SOX6: variants seen among roughly 807,000 people sequenced by gnomAD.
The protein encoded by SOX6 is SRY-box transcription factor 6, also known as transcription factor SOX-6.
In SOX6, 11 loss-of-function variants were observed where a neutral mutation model predicts 97.8. The observed-to-expected ratio is 0.11, with a 90% CI of 0.07 to 0.19. The LOEUF (loss-of-function observed/expected upper bound fraction) is 0.19, where lower values mean the gene tolerates loss of function less well. SOX6 is among the 10% of genes least tolerant of loss of function. The pLI is 1.00. For missense variants in SOX6, 810 were observed against 1,039.5 expected (o/e 0.78, Z 3.04); for synonymous variants, 360 against 371.4 (o/e 0.97, Z 0.35).
chr11:16,153,065 C>T (rs1465758197), intron 6 of SOX6, among the ~76,000 whole-genome samples: 1 of 152,140 alleles, frequency 6.6e-6, no homozygotes, highest in Non-Finnish European at 1.5e-5. Flanking sequence ...CAAGGTTTCA[C>T]CATGTTGGCC....
intron 3 of SOX6, among the ~76,000 whole-genome samples, chr11:16,614,185 C>T (rs1363927567): frequency 6.6e-6 from 1 of 152,186 alleles, no homozygotes; most frequent in East Asian, 1.9e-4. Flanking sequence ...GGGGCAGCTT[C>T]GAAGAGGCAT....
intron 3 of SOX6, among the ~76,000 whole-genome samples, chr11:16,654,693 T>C (rs1242013180): frequency 6.6e-6 from 1 of 152,220 alleles, no homozygotes; most frequent in Non-Finnish European, 1.5e-5. Flanking sequence ...AGGCTAATAC[T>C]TGTATCCTTC....
chr11:16,429,890 A>C (rs982068570), intron 1 of SOX6, among the ~76,000 whole-genome samples: 3 of 152,192 alleles, frequency 2.0e-5, no homozygotes, highest in Admixed American at 1.3e-4. Flanking sequence ...TGAGGGTAGA[A>C]GGTAGCTATA....
chr11:16,449,379 G>A lies in SOX6; in HGVS notation c.-5+26936C>T, dbSNP rs577875752. On this transcript the variant is annotated intron_variant, in intron 1 of 15. Transcript: ENST00000396356. Reference sequence around the variant, plus strand: ...GCCATCTCGGCTCACTGCAAGCTCCGCCTCCCGGGTTCGCGCCATTCTCCT... The same window carrying A: ...GCCATCTCGGCTCACTGCAAGCTCCACCTCCCGGGTTCGCGCCATTCTCCT... Among the ~76,000 whole-genome samples, 12 of 129,172 alleles carry A rather than the reference G, an allele frequency of 9.3e-5. No homozygotes were observed. The East Asian group carries it at 2.5e-3, about 27-fold the overall frequency. The allele number at this position is 129,172 out of a possible 152,430, so 84.7% of individuals were successfully genotyped here.
At chr11:16,520,937 G>A (rs1019250976) in intron 4 of SOX6, among the ~76,000 whole-genome samples, 15 of 152,210 alleles carry the variant, frequency 9.9e-5, no homozygotes, top group South Asian at 4.1e-4. Flanking sequence ...GGGGTGCCCC[G>A]CCATTGCCCA....
At chr11:16,089,618 G>T (rs1264010675) in intron 9 of SOX6, among the ~76,000 whole-genome samples, 1 of 152,046 alleles carries the variant, frequency 6.6e-6, no homozygotes, top group Non-Finnish European at 1.5e-5. Flanking sequence ...TTTTCCCTGA[G>T]TTTACCTGTA....
chr11:16,643,476 TG>T (rs1256337094), intron 3 of SOX6, among the ~76,000 whole-genome samples: 1 of 152,214 alleles, frequency 6.6e-6, no homozygotes, highest in Non-Finnish European at 1.5e-5. Flanking sequence ...CAGAGGTTTC[TG>T]CTGCCTTTTG....
chr11:16,718,434 A>C (rs1169861412), intron 2 of SOX6, among the ~76,000 whole-genome samples: 1 of 152,204 alleles, frequency 6.6e-6, no homozygotes, highest in East Asian at 1.9e-4. Context: ...TGTCACCTGC[A>C]AAGTTATTAC....
chr11:16,228,822 A>T (rs1852760949), intron 4 of SOX6, among the ~76,000 whole-genome samples: 1 of 152,202 alleles, frequency 6.6e-6, no homozygotes, highest in Non-Finnish European at 1.5e-5. Context: ...ACTCAGGTAC[A>T]TACTCATACA....
At chr11:16,642,516 A>G (rs978094264) in intron 3 of SOX6, among the ~76,000 whole-genome samples, 1 of 152,056 alleles carries the variant, frequency 6.6e-6, no homozygotes. Flanking sequence ...GTGTTTTCCA[A>G]CTTGGTTCCA....
At chr11:16,007,072 T>C (rs1188080610) in intron 13 of SOX6, among the ~76,000 whole-genome samples, 1 of 152,008 alleles carries the variant, frequency 6.6e-6, no homozygotes, top group Non-Finnish European at 1.5e-5. Context: ...TAGAAGGAGA[T>C]ATTAAAAAAC....
chr11:16,223,669 C>G (rs1852607583), intron 4 of SOX6, among the ~76,000 whole-genome samples: 1 of 152,110 alleles, frequency 6.6e-6, no homozygotes, highest in African/African-American at 2.4e-5. Context: ...CAGCCTAAAT[C>G]TAACACACAT....
At chr11:16,737,971 G>A (rs1053268357) in intron 1 of SOX6, among the ~76,000 whole-genome samples, 2 of 151,982 alleles carry the variant, frequency 1.3e-5, no homozygotes, top group Admixed American at 6.5e-5. Flanking sequence ...GGCCCCTACT[G>A]TAACGGTGCC....
intron 9 of SOX6, among the ~76,000 whole-genome samples, chr11:16,076,405 CAA>C (rs34417959): frequency 0.019 from 1,693 of 91,444 alleles, 27 homozygotes; most frequent in African/African-American, 0.054. Context: ...AATCAATAAG[CAA>C]AAAAAAAAAA....
chr11:16,204,308 C>T (rs1852014646), intron 4 of SOX6, among the ~76,000 whole-genome samples: 1 of 152,068 alleles, frequency 6.6e-6, no homozygotes, highest in South Asian at 2.1e-4. Flanking sequence ...CTCTAAATTT[C>T]ATGGTTCTCA....
intron 4 of SOX6, among the ~76,000 whole-genome samples, chr11:16,531,710 A>G (rs1054975064): frequency 1.3e-5 from 2 of 151,912 alleles, no homozygotes; most frequent in African/African-American, 4.8e-5. Context: ...TTTCCACACT[A>G]AAGTCTTACA....
chr11:16,222,733 T>C (rs1490825978), intron 4 of SOX6, among the ~76,000 whole-genome samples: 1 of 152,098 alleles, frequency 6.6e-6, no homozygotes, highest in African/African-American at 2.4e-5. Context: ...TAAAATATGA[T>C]GTGTTGTTGC....
upstream of SOX6, among the ~76,000 whole-genome samples, chr11:16,357,473 C>A (rs967287974): frequency 6.6e-6 from 1 of 152,120 alleles, no homozygotes; most frequent in African/African-American, 2.4e-5. Context: ...TTATAACCAA[C>A]TGAGTTTTGG....
intron 4 of SOX6, among the ~76,000 whole-genome samples, chr11:16,506,173 A>C (rs964338165): frequency 6.6e-6 from 1 of 152,214 alleles, no homozygotes; most frequent in African/African-American, 2.4e-5. Flanking sequence ...ACACCAGTCC[A>C]TCAAAGCAGC....
Sources: allele counts gnomAD v4.1 joint callset (sites outside exome capture counted in the v4.1 genomes callset), GRCh38; gene constraint gnomAD v4.1.1; transcripts MANE v1.5; gene names NCBI Gene and HGNC (gene_info 2026-07-23, HGNC 2026-07-21).